AOX1: variants seen among roughly 807,000 people sequenced by gnomAD.
AOX1 encodes the protein aldehyde oxidase 1, also known as aldehyde oxidase.
In AOX1, 153 loss-of-function variants were observed where a neutral mutation model predicts 169.5. That is an observed-to-expected ratio of 0.90 (90% CI 0.79 to 1.03). The LOEUF (loss-of-function observed/expected upper bound fraction) is 1.03, where lower values mean the gene tolerates loss of function less well. AOX1 is among the 50% of genes least tolerant of loss of function. AOX1 has a pLI of 0.00. For synonymous variants in AOX1, 562 were observed against 581.9 expected, an observed-to-expected ratio of 0.97 and a Z score of 0.49; for missense variants, 1,656 against 1,663.9, an observed-to-expected ratio of 1.00 and a Z score of 0.08.
rs1248840293 is a variant in AOX1 at position 200,599,635 on chromosome 2, T to C, written c.325T>C (p.Cys109Arg). ...GTGCTTCCAGGAGAGGATTGCCAAG[T>C]GTCATGGCACCCAGTGTGGCTTCTG... The part of the protein sequence containing the change: ...IHPVQERIAK[C>R]HGTQCGFCTP... The change falls in exon 5 of 35, where the codon TGT becomes CGT. Residue 109 changes from cysteine to arginine, a missense_variant. Physicochemically the swap from Cys to Arg is radical, Grantham distance 180. Transcript: ENST00000374700. 1.2e-6 allele frequency: 2 copies of C among 1,611,106 alleles called. No individual in the cohort carries two copies. Among genetic ancestry groups the C allele is most frequent in the Middle Eastern group, 1.7e-4 (1 of 6,042 alleles).
At chr2:200,640,036 C>CAAAA (rs547926062) in intron 23 of AOX1, among the ~76,000 whole-genome samples, 1 of 67,796 alleles carries the variant, frequency 1.5e-5, no homozygotes, top group Non-Finnish European at 3.2e-5. Context: ...GACTCCATCT[C>CAAAA]AAAAAAAAAA....
chr2:200,667,579 G>A (rs1433878975), intron 32 of AOX1, among the ~76,000 whole-genome samples: 4 of 151,938 alleles, frequency 2.6e-5, no homozygotes, highest in Admixed American at 1.3e-4. Context: ...AATGAGAAAC[G>A]ACATTAGGGG....
chr2:200,614,006 A>T, intron 15 of AOX1, 40 bp downstream of exon 15: 1 of 1,579,008 alleles, frequency 6.3e-7, no homozygotes, highest in Non-Finnish European at 8.6e-7. Context: ...CAGTACTGGG[A>T]GCTATGATGA....
In AOX1 at chr2:200,670,746, G is replaced by T; in HGVS notation, c.*67G>T. 9 of 1,238,384 alleles carry T rather than the reference G, an allele frequency of 7.3e-6. No homozygotes were observed. Among genetic ancestry groups the T allele is most frequent in the Non-Finnish European group, 1.1e-5 (9 of 852,336 alleles). 76.7% of individuals were successfully genotyped at this position (1,238,384 alleles called of 1,614,324 possible). On this transcript the variant is annotated 3_prime_UTR_variant, in exon 35 of 35. Coordinates refer to ENST00000374700, the MANE Select transcript of AOX1 (RefSeq NM_001159.4). ...AGATGGCAATCTGTCCTATCTCTGTGCTGGAAGATGCTAGATCTGAAAGAC... is the reference window on the plus strand; with the variant it reads ...AGATGGCAATCTGTCCTATCTCTGTTCTGGAAGATGCTAGATCTGAAAGAC...
Position 200,660,082 on chromosome 2 carries a change from G to A in AOX1, c.3375+13G>A. The A allele has an allele frequency of 1.2e-6, 2 of 1,606,008 alleles. No homozygotes were observed. Among genetic ancestry groups the A allele is most frequent in the East Asian group, 2.2e-5 (1 of 44,840 alleles). On this transcript the variant is annotated intron_variant, in intron 29 of 34. Transcript: ENST00000374700. ...TTGGAAAGACTGGGTGAGAATCAAT[G>A]GTTCTCTGTATTTTATTTTAGAAGA...
At chr2:200,600,636 T>C (rs376964287) in intron 5 of AOX1, among the ~76,000 whole-genome samples, 17 of 152,142 alleles carry the variant, frequency 1.1e-4, no homozygotes, top group African/African-American at 4.1e-4. Flanking sequence ...CTAAAGCTCA[T>C]ATGTACACTT....
At chr2:200,625,743 G>T (rs1030755586) in intron 19 of AOX1, among the ~76,000 whole-genome samples, 7 of 152,016 alleles carry the variant, frequency 4.6e-5, no homozygotes, top group African/African-American at 1.7e-4. Flanking sequence ...TTAAAAATAG[G>T]ATTTATAAAA....
intron 20 of AOX1, 97 bp downstream of exon 20, chr2:200,627,546 G>A (rs1574934214): frequency 1.2e-6 from 1 of 837,458 alleles, no homozygotes. Context: ...GCAGCCTAGG[G>A]GGGTGTTGCT....
chr2:200,617,826 T>C (rs1205088263), intron 16 of AOX1, among the ~76,000 whole-genome samples: 1 of 152,164 alleles, frequency 6.6e-6, no homozygotes, highest in Non-Finnish European at 1.5e-5. Flanking sequence ...CCAAGCAGCA[T>C]CACAGCTCAG....
At chr2:200,593,781 A>G (rs2034223782) in intron 2 of AOX1, among the ~76,000 whole-genome samples, 2 of 152,212 alleles carry the variant, frequency 1.3e-5, no homozygotes, top group African/African-American at 4.8e-5. Context: ...AATTACCAAA[A>G]GAGTACATAA....
chr2:200,602,798 G>T (rs1349077586), intron 6 of AOX1, among the ~76,000 whole-genome samples: 1 of 152,046 alleles, frequency 6.6e-6, no homozygotes, highest in East Asian at 1.9e-4. Context: ...TCACCATATA[G>T]TCATTGAGTA....
chr2:200,670,574 A>G (rs1295667773), intron 34 of AOX1, 55 bp from the exon 35 acceptor site: 3 of 1,478,136 alleles, frequency 2.0e-6, no homozygotes, highest in Non-Finnish European at 2.8e-6. Context: ...TCTATTTTTC[A>G]CCTAAGTCAC....
intron 8 of AOX1, 127 bp from the exon 9 acceptor site, chr2:200,604,569 C>A: frequency 2.0e-6 from 2 of 1,013,980 alleles, no homozygotes; most frequent in South Asian, 1.7e-5. Flanking sequence ...ACTTTTAGGT[C>A]ACTTTGTACT....
intron 14 of AOX1, 103 bp from the exon 15 acceptor site, chr2:200,613,698 ACTC>A (rs1331636703): frequency 2.0e-5 from 23 of 1,137,014 alleles, no homozygotes; most frequent in Non-Finnish European, 2.7e-5. Flanking sequence ...CAGAGCTTGT[ACTC>A]TTATTTCCTG....
At position 200,661,643 on chromosome 2, in the gene AOX1, C is replaced by G; in HGVS notation, c.3428+12C>G. On this transcript the variant is annotated intron_variant, in intron 30 of 34. Coordinates refer to ENST00000374700, the MANE Select transcript of AOX1 (RefSeq NM_001159.4). ...GTTGGATACTTCAGGTAAATACTCCCTCTGATCACATGCTATGGAGAAGAA... is the reference window on the plus strand; with the variant it reads ...GTTGGATACTTCAGGTAAATACTCCGTCTGATCACATGCTATGGAGAAGAA... 1 of 1,599,140 alleles carries G rather than the reference C, an allele frequency of 6.3e-7. No homozygotes were observed. The highest frequency in any genetic ancestry group is 8.6e-7 in the Non-Finnish European group (1 of 1,166,646).
chr2:200,676,599 CAA>C (rs58206033), intron 4 of AOX1, among the ~76,000 whole-genome samples: 4,445 of 97,962 alleles, frequency 0.045, 108 homozygotes, highest in Admixed American at 0.12. Context: ...GACTACATCT[CAA>C]AAAAAAAAAA....
chr2:200,588,045 A>G (rs1312915716), intron 1 of AOX1: 1 of 152,294 alleles, frequency 6.6e-6, no homozygotes, highest in Non-Finnish European at 1.5e-5. Context: ...CAAGCATATA[A>G]ATACGTGGAA....
intron 4 of AOX1, among the ~76,000 whole-genome samples, chr2:200,676,711 A>G (rs2036105317): frequency 6.6e-6 from 1 of 152,170 alleles, no homozygotes; most frequent in African/African-American, 2.4e-5. Context: ...TTGCCATGAA[A>G]GTTCCAGGTT....
intron 20 of AOX1, 59 bp downstream of exon 20, chr2:200,627,508 G>C: frequency 7.9e-7 from 1 of 1,261,828 alleles, no homozygotes; most frequent in Non-Finnish European, 1.2e-6. Context: ...TCAGTTTAAG[G>C]CTTCCTTTGT....
Sources: gnomAD v4.1 joint callset for allele counts (sites outside exome capture counted in the v4.1 genomes callset) on GRCh38, gnomAD v4.1.1 for gene constraint, MANE v1.5 for transcripts, NCBI Gene and HGNC (gene_info 2026-07-23, HGNC 2026-07-21) for gene names.